Variants in NSUN6 observed in about 807,000 individuals in gnomAD.
NSUN6 encodes the protein NOP2/Sun RNA methyltransferase 6.
In NSUN6, 64 loss-of-function variants were observed where a neutral mutation model predicts 58.0. The observed-to-expected ratio is 1.10, with a 90% CI of 0.90 to 1.36. NSUN6 has a LOEUF of 1.36. NSUN6 is among the 40% of genes most tolerant of loss of function. NSUN6 has a pLI of 0.00. For synonymous variants in NSUN6, 231 were observed against 193.9 expected (o/e 1.19, Z -1.59); for missense variants, 701 against 550.1 (o/e 1.27, Z -2.74).
At chr10:18,623,645 T>C (rs2058686786) in intron 3 of NSUN6, among the ~76,000 whole-genome samples, 1 of 152,192 alleles carries the variant, frequency 6.6e-6, no homozygotes, top group Non-Finnish European at 1.5e-5. Context: ...AGAAATGGCA[T>C]AACCAGACAA....
chr10:18,655,226 A>C (rs767142930), upstream of NSUN6: 33 of 813,162 alleles, frequency 4.1e-5, no homozygotes, highest in Non-Finnish European at 4.9e-5. Flanking sequence ...TGGTATTAAC[A>C]TATGACTGAA....
chr10:18,634,794 C>T (rs1033752787), intron 3 of NSUN6, among the ~76,000 whole-genome samples: 1 of 149,232 alleles, frequency 6.7e-6, no homozygotes, highest in Non-Finnish European at 1.5e-5. Flanking sequence ...AAAAAACAAA[C>T]GAATGCAGAA....
chr10:18,581,132 G>A (rs141483073), intron 8 of NSUN6, among the ~76,000 whole-genome samples: 125 of 152,144 alleles, frequency 8.2e-4, no homozygotes, highest in African/African-American at 2.6e-3. Flanking sequence ...TGGCCTGCTC[G>A]CACTTGGGAG....
Position 18,651,399 on chromosome 10 carries a change from G to A in NSUN6, c.-196C>T, listed in dbSNP as rs539676043. ...CCTAGCCGATTAGAAGGGGCTGCCG[G>A]GCTTCCACCACACCTCATCGAGGCA... is the stretch of plus-strand genomic sequence containing the variant. On this transcript the variant is annotated 5_prime_UTR_variant, in exon 1 of 11. Transcript: ENST00000377304. 4 of 1,287,438 alleles carry A rather than the reference G, an allele frequency of 3.1e-6. No individual in the cohort carries two copies. In the East Asian group the frequency reaches 1.3e-4, roughly 42 times the overall value. The allele number at this position is 1,287,438 out of a possible 1,614,324, so 79.8% of individuals were successfully genotyped here. A position where few individuals can be genotyped will look rare whatever the true frequency, so the allele number is the denominator to read the frequency against.
At chr10:18,551,071 A>G (rs2054570512) in intron 9 of NSUN6, among the ~76,000 whole-genome samples, 1 of 152,112 alleles carries the variant, frequency 6.6e-6, no homozygotes, top group African/African-American at 2.4e-5. Context: ...TTTATATCTA[A>G]TTCTTTACAT....
At chr10:18,565,485 A>G (rs2055858768) in intron 8 of NSUN6, among the ~76,000 whole-genome samples, 1 of 148,346 alleles carries the variant, frequency 6.7e-6, no homozygotes, top group Admixed American at 6.8e-5. Flanking sequence ...ATTCTATTCC[A>G]TTCCATTCTC....
chr10:18,571,587 C>G (rs1380037839), intron 8 of NSUN6, among the ~76,000 whole-genome samples: 2 of 151,546 alleles, frequency 1.3e-5, no homozygotes, highest in African/African-American at 4.8e-5. Context: ...AATGTCCATT[C>G]CATTCCATTC....
At position 18,551,946 on chromosome 10, in the gene NSUN6, G is replaced by C; in HGVS notation, c.948C>G (p.Ser316=). Residue 316 remains serine (S), a synonymous_variant, in exon 9 of 11, where the codon TCC becomes TCG. Coordinates refer to ENST00000377304, the MANE Select transcript of NSUN6 (RefSeq NM_182543.5). ...GTGCATCCAGAAGAATTCGGTCAAAGGATTCTGGTAGAAATGGAGGTTCTC... is the reference window on the plus strand; with the variant it reads ...GTGCATCCAGAAGAATTCGGTCAAACGATTCTGGTAGAAATGGAGGTTCTC... ...TEGEPPFLPE[S]FDRILLDAPC... 2 of 1,606,336 alleles carry C rather than the reference G, an allele frequency of 1.2e-6. No homozygotes were observed. The highest frequency in any genetic ancestry group is 1.7e-6 in the Non-Finnish European group (2 of 1,173,884).
chr10:18,573,351 C>A (rs866952239), intron 8 of NSUN6, among the ~76,000 whole-genome samples: 2 of 151,066 alleles, frequency 1.3e-5, no homozygotes, highest in African/African-American at 4.9e-5. Flanking sequence ...CCTTTCCATT[C>A]CTCATTCAAT....
chr10:18,610,758 C>A (rs1421082181), intron 5 of NSUN6, among the ~76,000 whole-genome samples: 1 of 152,132 alleles, frequency 6.6e-6, no homozygotes, highest in Non-Finnish European at 1.5e-5. Flanking sequence ...AGAAAGAACA[C>A]GCAAATCCTG....
At chr10:18,648,717 C>T in intron 1 of NSUN6, 72 bp from the exon 2 acceptor site, 1 of 813,604 alleles carries the variant, frequency 1.2e-6, no homozygotes, top group Non-Finnish European at 2.0e-6. Flanking sequence ...TATATTAATT[C>T]CATCTAATGA....
intron 8 of NSUN6, among the ~76,000 whole-genome samples, chr10:18,565,600 CTCCATTCCATTCTCCATTTGTTACATTT>C (rs1371093742): frequency 2.7e-5 from 4 of 150,800 alleles, no homozygotes; most frequent in Non-Finnish European, 5.9e-5. Flanking sequence ...CTATTCCATT[CTCCATTCCATTCTCCATTTGTTACATTT>C]TCCATTCCAT....
chr10:18,605,218 A>C (rs952165580), intron 6 of NSUN6, among the ~76,000 whole-genome samples: 6 of 152,030 alleles, frequency 3.9e-5, no homozygotes, highest in Admixed American at 1.3e-4. Context: ...AAAGTGTAGA[A>C]AAATTGTTTC....
At chr10:18,547,331 G>C (rs2054335456) in intron 10 of NSUN6, among the ~76,000 whole-genome samples, 1 of 152,172 alleles carries the variant, frequency 6.6e-6, no homozygotes, top group African/African-American at 2.4e-5. Context: ...TATATATTTT[G>C]AGTGTGTGTA....
intron 9 of NSUN6, among the ~76,000 whole-genome samples, chr10:18,549,660 T>C (rs559803994): frequency 2.9e-4 from 44 of 152,344 alleles, no homozygotes; most frequent in Admixed American, 2.5e-3. Context: ...TGAGTATTTG[T>C]TGAATAAATT....
At chr10:18,592,196 A>C (rs1330708771) in intron 7 of NSUN6, among the ~76,000 whole-genome samples, 1 of 152,200 alleles carries the variant, frequency 6.6e-6, no homozygotes, top group South Asian at 2.1e-4. Context: ...AAGAACTGCA[A>C]ACCATTGTTC....
intron 10 of NSUN6, among the ~76,000 whole-genome samples, chr10:18,547,272 C>T (rs753165247): frequency 1.3e-5 from 2 of 152,142 alleles, no homozygotes; most frequent in East Asian, 1.9e-4. Flanking sequence ...GAAAACAGAT[C>T]GTTTATTATC....
chr10:18,585,826 G>T, intron 8 of NSUN6, 123 bp downstream of exon 8: 1 of 711,264 alleles, frequency 1.4e-6, no homozygotes, highest in Non-Finnish European at 2.3e-6. Flanking sequence ...TGATGGATAT[G>T]TTAATTAGCT....
chr10:18,572,582 T>A (rs1431619297), intron 8 of NSUN6, among the ~76,000 whole-genome samples: 2 of 150,020 alleles, frequency 1.3e-5, no homozygotes, highest in Non-Finnish European at 3.0e-5. Context: ...CCTTTTATTC[T>A]ATTTCAACTC....
Sources: gnomAD v4.1 joint callset for allele counts (sites outside exome capture counted in the v4.1 genomes callset) on GRCh38, gnomAD v4.1.1 for gene constraint, MANE v1.5 for transcripts, NCBI Gene and HGNC (gene_info 2026-07-23, HGNC 2026-07-21) for gene names.